Variants in SCARB2 observed in about 807,000 individuals in gnomAD.
SCARB2 encodes the protein scavenger receptor class B member 2.
Under a neutral mutation model 58.6 loss-of-function variants are expected in SCARB2, and 29 were observed. That is an observed-to-expected ratio of 0.49 (90% CI 0.37 to 0.67). The LOEUF (loss-of-function observed/expected upper bound fraction) is 0.67. Among genes scored for constraint, SCARB2 ranks in the 30% least tolerant of loss-of-function variants. SCARB2 has a pLI of 0.00. For missense variants in SCARB2, 488 were observed against 578.5 expected (o/e 0.84, Z 1.60); for synonymous variants, 195 against 210.1 (o/e 0.93, Z 0.62).
intron 11 of SCARB2, 69 bp downstream of exon 11, chr4:76,163,156 G>A: frequency 6.3e-7 from 1 of 1,588,982 alleles, no homozygotes; most frequent in Admixed American, 1.7e-5. Context: ...CAGCCCTTCA[G>A]TGAAGTACAG....
chr4:76,176,567 ATAATTT>A, intron 4 of SCARB2, 39 bp from the exon 5 acceptor site: 1 of 1,413,950 alleles, frequency 7.1e-7, no homozygotes, highest in Non-Finnish European at 1.0e-6. Context: ...AGTAACTGTG[ATAATTT>A]TATGACAACT....
In SCARB2 at chr4:76,195,622, C is replaced by G; in HGVS notation, c.275+85G>C. 6 of 1,185,816 alleles carry G rather than the reference C, an allele frequency of 5.1e-6. No homozygotes were observed. The South Asian group carries it at 6.1e-5, about 12-fold the overall frequency. The allele number at this position is 1,185,816 out of a possible 1,614,324, so 73.5% of individuals were successfully genotyped here. A position where few individuals can be genotyped will look rare whatever the true frequency, so the allele number is the denominator to read the frequency against. ...AGTGTGCTCCCACACAGCCCTGGAG[C>G]CTTGCTCCTGGGAAGAGGCAAGGAC... On this transcript the variant is annotated intron_variant, in intron 2 of 11. Coordinates refer to ENST00000264896, the MANE Select transcript of SCARB2 (RefSeq NM_005506.4).
intron 1 of SCARB2, among the ~76,000 whole-genome samples, chr4:76,203,074 T>C (rs1732862599): frequency 1.3e-5 from 2 of 152,140 alleles, no homozygotes; most frequent in South Asian, 4.1e-4. Flanking sequence ...TCACTGCAAC[T>C]TTTGACTGTC....
At chr4:76,218,540 C>G (rs1733254596), upstream of SCARB2, among the ~76,000 whole-genome samples, 1 of 152,198 alleles carries the variant, frequency 6.6e-6, no homozygotes, top group South Asian at 2.1e-4. Context: ...TCCTCATTAT[C>G]ATCTTTGCAC....
chr4:76,200,432 T>C (rs891620575), intron 1 of SCARB2, among the ~76,000 whole-genome samples: 2 of 152,246 alleles, frequency 1.3e-5, no homozygotes, highest in Non-Finnish European at 2.9e-5. Context: ...TATCAAGTTC[T>C]ATGGTGAATT....
intron 3 of SCARB2, chr4:76,180,029 G>A (rs1396044216): frequency 1.3e-5 from 5 of 387,714 alleles, no homozygotes; most frequent in South Asian, 4.4e-5. Context: ...GCTACCTTCC[G>A]CCTAAGCAGG....
chr4:76,171,598 A>G (rs1451867586), intron 7 of SCARB2, among the ~76,000 whole-genome samples: 1 of 152,244 alleles, frequency 6.6e-6, no homozygotes, highest in Non-Finnish European at 1.5e-5. Context: ...AAATGTGTAA[A>G]GTAGAATACT....
At chr4:76,213,832 G>A (rs553566360), upstream of SCARB2, 135 of 267,266 alleles carry the variant, frequency 5.1e-4, no homozygotes, top group Middle Eastern at 0.011. Flanking sequence ...AGTGCAGGGA[G>A]CGCGCAGGGA....
At position 76,174,154 on chromosome 4, in the gene SCARB2, G is replaced by C; in HGVS notation, c.984C>G (p.Ile328Met). ...TCTCTGAGTTCTTACCATTCTTGCA[G>C]ATGCTGACATTCAGAACTCCTGAGC... ...CLGSGVLNVS[I>M]CKNGAPIIMS... Residue 328 changes from isoleucine to methionine, a missense_variant, in exon 7 of 12, where the codon ATC becomes ATG. Coordinates refer to ENST00000264896, the MANE Select transcript of SCARB2 (RefSeq NM_005506.4). 1 of 1,613,860 alleles carries C rather than the reference G, an allele frequency of 6.2e-7. No homozygotes were observed. The highest frequency in any genetic ancestry group is 8.5e-7 in the Non-Finnish European group (1 of 1,180,030).
At chr4:76,213,370 G>T (rs1578743896) in intron 1 of SCARB2, 57 bp downstream of exon 1, 1 of 1,160,896 alleles carries the variant, frequency 8.6e-7, no homozygotes, top group Non-Finnish European at 1.3e-6. Context: ...GTAGCAGCAG[G>T]GATGGGAGGG....
intron 7 of SCARB2, among the ~76,000 whole-genome samples, chr4:76,171,451 A>C (rs1385918135): frequency 6.6e-6 from 1 of 152,194 alleles, no homozygotes. Context: ...GCCTGACTCC[A>C]GAACACTCAT....
At chr4:76,185,289 C>T (rs1732462891) in intron 2 of SCARB2, among the ~76,000 whole-genome samples, 1 of 152,088 alleles carries the variant, frequency 6.6e-6, no homozygotes, top group South Asian at 2.1e-4. Flanking sequence ...AGTTACTGTC[C>T]TACAAGATCA....
rs374927854 is a variant in SCARB2, at chr4:76,174,730, G to A, written c.825-417C>T. 1.7e-4 allele frequency: 41 copies of A among 244,438 alleles called. No homozygotes were observed. The South Asian group carries it at 1.9e-3, about 11-fold the overall frequency. The allele number at this position is 244,438 out of a possible 1,614,324, so 15.1% of individuals were successfully genotyped here. The stretch of plus-strand genomic sequence containing the variant: ...AACAGGCAGCGATGGCCGTGGCCTC[G>A]TAGGGTCTTAGGCACTTGAAAAGTG... On this transcript the variant is annotated intron_variant, in intron 6 of 11. Coordinates refer to ENST00000264896, the MANE Select transcript of SCARB2 (RefSeq NM_005506.4).
intron 3 of SCARB2, chr4:76,179,952 T>C (rs1476213037): frequency 1.9e-6 from 1 of 539,846 alleles, no homozygotes; most frequent in Non-Finnish European, 3.3e-6. Flanking sequence ...AGGCTCTGAG[T>C]TATCCAGACA....
chr4:76,170,367 A>C lies in SCARB2; in HGVS notation c.995-382T>G, dbSNP rs568883578. ...ATTTGAAGAAAGTGAGGTTCATAGA[A>C]GTTACAAAATTTACCCAGGGACAGC... On this transcript the variant is annotated intron_variant, in intron 7 of 11. Transcript: ENST00000264896. Among the ~76,000 whole-genome samples the C allele has an allele frequency of 1.1e-4, 16 of 152,346 alleles. No individual in the cohort carries two copies. The East Asian group carries it at 2.7e-3, about 26-fold the overall frequency.
chr4:76,184,356 C>T (rs1256865177), intron 2 of SCARB2, among the ~76,000 whole-genome samples: 4 of 152,242 alleles, frequency 2.6e-5, no homozygotes, highest in Non-Finnish European at 5.9e-5. Context: ...ATTACATGCC[C>T]TTCCAGTTTA....
chr4:76,211,772 C>A (rs373639797), intron 1 of SCARB2, among the ~76,000 whole-genome samples: 1 of 152,296 alleles, frequency 6.6e-6, no homozygotes, highest in East Asian at 1.9e-4. Context: ...CTAATGACAA[C>A]AGTATTTCCA....
intron 11 of SCARB2, chr4:76,162,495 G>C (rs1454726068): frequency 6.5e-6 from 1 of 153,020 alleles, no homozygotes; most frequent in Non-Finnish European, 1.5e-5. Flanking sequence ...TTCCTGGCTG[G>C]GCTGCTGGTC....
intron 7 of SCARB2, among the ~76,000 whole-genome samples, chr4:76,171,979 C>T (rs893076667): frequency 6.6e-6 from 1 of 151,154 alleles, no homozygotes. Flanking sequence ...TGTGTGTGCA[C>T]ACTTGCGCAC....
Sources: gnomAD v4.1 joint callset for allele counts (sites outside exome capture counted in the v4.1 genomes callset) on GRCh38, gnomAD v4.1.1 for gene constraint, MANE v1.5 for transcripts, NCBI Gene and HGNC (gene_info 2026-07-23, HGNC 2026-07-21) for gene names.